Variants in UNC5C observed in about 807,000 individuals in gnomAD.
UNC5C encodes unc-5 netrin receptor C.
A neutral mutation model predicts 99.8 loss-of-function variants in UNC5C; 47 were observed. The ratio of observed to expected loss-of-function variants is 0.47; its 90% CI spans 0.37 to 0.60. The LOEUF (loss-of-function observed/expected upper bound fraction) is 0.60. Ranked by LOEUF, UNC5C falls within the 20% of genes least tolerant of loss-of-function variation. The pLI is 0.00. For missense variants in UNC5C, 1,062 were observed against 1,165.9 expected, an observed-to-expected ratio of 0.91 and a Z score of 1.30; for synonymous variants, 487 against 452.2, an observed-to-expected ratio of 1.08 and a Z score of -0.98.
intron 1 of UNC5C, among the ~76,000 whole-genome samples, chr4:95,511,450 A>G (rs918526762): frequency 6.6e-6 from 1 of 152,174 alleles, no homozygotes; most frequent in Non-Finnish European, 1.5e-5. Flanking sequence ...TCCACATGCC[A>G]TTAGTATTAA....
chr4:95,487,294 G>A (rs187098407), intron 1 of UNC5C, among the ~76,000 whole-genome samples: 5 of 151,864 alleles, frequency 3.3e-5, no homozygotes, highest in Admixed American at 2.6e-4. Flanking sequence ...AAACAAAGGA[G>A]TGCATAAATA....
intron 1 of UNC5C, among the ~76,000 whole-genome samples, chr4:95,355,441 C>A (rs925221986): frequency 1.3e-5 from 2 of 152,106 alleles, no homozygotes; most frequent in African/African-American, 4.8e-5. Flanking sequence ...GCCTGGTGAA[C>A]TCCTAGTCTT....
At chr4:95,395,618 A>G (rs11943185) in intron 1 of UNC5C, among the ~76,000 whole-genome samples, 12,022 of 152,164 alleles carry the variant, frequency 0.079, 893 homozygotes, top group East Asian at 0.19. Flanking sequence ...GTTTTCATCT[A>G]TATTACTAAT....
intron 1 of UNC5C, among the ~76,000 whole-genome samples, chr4:95,350,055 G>A (rs1223696306): frequency 2.0e-5 from 3 of 152,060 alleles, no homozygotes; most frequent in African/African-American, 7.2e-5. Context: ...ATAGAAATTG[G>A]TCTATTAGTC....
At chr4:95,400,518 G>A (rs1745659303) in intron 1 of UNC5C, among the ~76,000 whole-genome samples, 3 of 147,138 alleles carry the variant, frequency 2.0e-5, no homozygotes, top group South Asian at 4.5e-4. Flanking sequence ...TCAGCCTGCC[G>A]AGTAGCTGGG....
intron 7 of UNC5C, among the ~76,000 whole-genome samples, chr4:95,229,105 G>C (rs776891542): frequency 7.3e-5 from 11 of 151,704 alleles, no homozygotes; most frequent in Admixed American, 1.3e-4. Flanking sequence ...ATAATTGGAG[G>C]AGCTCTACAC....
chr4:95,467,825 A>G (rs1042135705), intron 1 of UNC5C, among the ~76,000 whole-genome samples: 1 of 152,170 alleles, frequency 6.6e-6, no homozygotes, highest in Non-Finnish European at 1.5e-5. Context: ...TAACACATAT[A>G]TTGTATGTTA....
rs573832032 is a variant in UNC5C, at chr4:95,281,866, G to A, written c.491-3504C>T. The stretch of plus-strand genomic sequence containing the variant: ...TTTTGGGGACTGGGTAATTCTTTGC[G>A]GTACAGTTGTTCTTTGCATAGCAGG... On this transcript the variant is annotated intron_variant, in intron 3 of 15. Coordinates refer to ENST00000453304, the MANE Select transcript of UNC5C (RefSeq NM_003728.4). Among the ~76,000 whole-genome samples, 8 of 152,240 alleles carry A rather than the reference G, an allele frequency of 5.3e-5. No individual in the cohort carries two copies. In the East Asian group the frequency reaches 9.6e-4, roughly 18 times the overall value.
chr4:95,188,068 T>C (rs749466923), intron 12 of UNC5C, among the ~76,000 whole-genome samples: 3 of 152,212 alleles, frequency 2.0e-5, no homozygotes, highest in Non-Finnish European at 4.4e-5. Flanking sequence ...TAAAAATACA[T>C]AAGATCCTGT....
chr4:95,225,813 C>G (rs950369097), intron 7 of UNC5C, among the ~76,000 whole-genome samples: 6 of 152,128 alleles, frequency 3.9e-5, no homozygotes, highest in Non-Finnish European at 7.4e-5. Context: ...TATGGAAACA[C>G]TGATAAAAAG....
rs570409847 is a variant in UNC5C at position 95,328,651 on chromosome 4, A to G, written c.346+6759T>C. 4.9e-5 allele frequency among the ~76,000 whole-genome samples: 7 copies of G among 144,040 alleles called. No individual in the cohort carries two copies. The East Asian group carries it at 6.5e-4, about 13-fold the overall frequency. The allele number at this position is 144,040 out of a possible 152,430, so 94.5% of individuals were successfully genotyped here. On this transcript the variant is annotated intron_variant, in intron 2 of 15. Coordinates refer to ENST00000453304, the MANE Select transcript of UNC5C (RefSeq NM_003728.4). ...CTGAGGAATCGCCACACTGACTTCCACAATGGTTGAACTAGTTGACAGTCC... is the reference window on the plus strand; with the variant it reads ...CTGAGGAATCGCCACACTGACTTCCGCAATGGTTGAACTAGTTGACAGTCC...
intron 1 of UNC5C, among the ~76,000 whole-genome samples, chr4:95,536,950 A>T (rs946416713): frequency 7.2e-5 from 11 of 152,204 alleles, no homozygotes; most frequent in Admixed American, 7.2e-4. Flanking sequence ...GAACTGAATT[A>T]AAACAGTTAA....
At chr4:95,400,337 A>G (rs1002467251) in intron 1 of UNC5C, among the ~76,000 whole-genome samples, 4 of 149,564 alleles carry the variant, frequency 2.7e-5, no homozygotes, top group Admixed American at 1.3e-4. Context: ...GATCACAGCC[A>G]GCGAGAAAAT....
intron 1 of UNC5C, among the ~76,000 whole-genome samples, chr4:95,365,633 A>G (rs1053748981): frequency 1.3e-5 from 2 of 152,050 alleles, no homozygotes; most frequent in African/African-American, 2.4e-5. Context: ...TTCAATGCTC[A>G]AATGTGTCAA....
intron 2 of UNC5C, 54 bp from the exon 3 acceptor site, chr4:95,301,803 T>A: frequency 6.3e-7 from 1 of 1,575,190 alleles, no homozygotes; most frequent in Non-Finnish European, 8.6e-7. Context: ...ACTAAAGAAA[T>A]ATAAACCATC....
chr4:95,410,584 C>G (rs183747947), intron 1 of UNC5C, among the ~76,000 whole-genome samples: 417 of 152,212 alleles, frequency 2.7e-3, no homozygotes, highest in African/African-American at 9.7e-3. Context: ...ATGCTGCTAC[C>G]GCCCAGAGCA....
intron 1 of UNC5C, among the ~76,000 whole-genome samples, chr4:95,339,978 C>T (rs973630183): frequency 2.5e-4 from 38 of 152,070 alleles, no homozygotes; most frequent in African/African-American, 9.2e-4. Flanking sequence ...TACTGACATT[C>T]CAACAGTAGT....
At chr4:95,403,143 A>C (rs1560820587) in intron 1 of UNC5C, among the ~76,000 whole-genome samples, 1 of 152,230 alleles carries the variant, frequency 6.6e-6, no homozygotes, top group Non-Finnish European at 1.5e-5. Flanking sequence ...AGGCAATAAA[A>C]ATAAAAAAAG....
chr4:95,308,342 C>G (rs1167228577), intron 2 of UNC5C, among the ~76,000 whole-genome samples: 3 of 151,742 alleles, frequency 2.0e-5, no homozygotes, highest in Admixed American at 6.6e-5. Flanking sequence ...AGAAAATAAT[C>G]CCATGTATAA....
Sources: allele counts gnomAD v4.1 joint callset (sites outside exome capture counted in the v4.1 genomes callset), GRCh38; gene constraint gnomAD v4.1.1; transcripts MANE v1.5; gene names NCBI Gene and HGNC (gene_info 2026-07-23, HGNC 2026-07-21).